Variants in RYK observed in about 807,000 individuals in gnomAD.
The protein encoded by RYK is receptor like tyrosine kinase.
A neutral mutation model predicts 70.2 loss-of-function variants in RYK; 21 were observed. The ratio of observed to expected loss-of-function variants is 0.30; its 90% CI spans 0.21 to 0.43. The LOEUF (loss-of-function observed/expected upper bound fraction) is 0.43. Ranked by LOEUF, RYK falls within the 20% of genes least tolerant of loss-of-function variation. RYK has a pLI of 1.00. For synonymous variants in RYK, 267 were observed against 278.0 expected (o/e 0.96, Z 0.39); for missense variants, 604 against 753.3 (o/e 0.80, Z 2.32).
At chr3:134,161,530 A>T (rs1339425045) in intron 13 of RYK, among the ~76,000 whole-genome samples, 1 of 152,216 alleles carries the variant, frequency 6.6e-6, no homozygotes, top group Non-Finnish European at 1.5e-5. Flanking sequence ...CCCAGTTAAG[A>T]ACCACTGTGT....
chr3:134,211,158 C>T (rs946804285), intron 3 of RYK, among the ~76,000 whole-genome samples: 3 of 152,106 alleles, frequency 2.0e-5, no homozygotes, highest in African/African-American at 2.4e-5. Flanking sequence ...ATGGGCTTCA[C>T]GTCACAGGGT....
intron 3 of RYK, among the ~76,000 whole-genome samples, chr3:134,210,534 CTTTA>C (rs1190994726): frequency 2.0e-5 from 3 of 152,126 alleles, no homozygotes; most frequent in Non-Finnish European, 2.9e-5. Flanking sequence ...CCCTCCTGTG[CTTTA>C]TTTAAGCTTA....
intron 1 of RYK, among the ~76,000 whole-genome samples, chr3:134,227,456 G>A (rs2107688368): frequency 6.6e-6 from 1 of 151,628 alleles, no homozygotes; most frequent in East Asian, 1.9e-4. Flanking sequence ...TCTTGAAAAT[G>A]AAAATGCCTT....
intron 9 of RYK, among the ~76,000 whole-genome samples, chr3:134,185,695 G>A (rs1454117004): frequency 2.0e-5 from 3 of 152,104 alleles, no homozygotes; most frequent in African/African-American, 7.2e-5. Context: ...AGGCTAGTAG[G>A]ATCTTTTCAA....
At chr3:134,159,476 G>T in intron 13 of RYK, 103 bp from the exon 14 acceptor site, 1 of 1,141,644 alleles carries the variant, frequency 8.8e-7, no homozygotes, top group Non-Finnish European at 1.2e-6. Flanking sequence ...CTCAACTCAT[G>T]CTTTGGAAAA....
intron 13 of RYK, among the ~76,000 whole-genome samples, chr3:134,162,493 G>A (rs897780781): frequency 1.3e-5 from 2 of 152,092 alleles, no homozygotes; most frequent in African/African-American, 4.8e-5. Flanking sequence ...ATGGAGAAGC[G>A]TGTATAGTTT....
At chr3:134,186,859 G>A (rs116820883) in intron 9 of RYK, among the ~76,000 whole-genome samples, 152 of 151,534 alleles carry the variant, frequency 1.0e-3, no homozygotes, top group African/African-American at 3.1e-3. Context: ...TACAAACCCC[G>A]GAAGAAATAT....
chr3:134,183,070 A>G lies in RYK; in HGVS notation c.1104T>C (p.Asp368=). Residue 368 remains aspartate, a splice_region_variant and synonymous_variant, in exon 10 of 15, where the codon GAT becomes GAC. Transcript: ENST00000623711. ...EKQAFVKTVK[D]QASEIQVTMM... ...TTGTCACCTGAATTTCAGAAGCTTG[A>G]TCTATATATAAAGAAAAGAAAATGT... is the stretch of plus-strand genomic sequence containing the variant. 1 of 1,565,106 alleles carries G rather than the reference A, an allele frequency of 6.4e-7. No homozygotes were observed. Among genetic ancestry groups the G allele is most frequent in the Admixed American group, 1.8e-5 (1 of 55,404 alleles).
chr3:134,168,563 T>C (rs559554867), intron 13 of RYK, among the ~76,000 whole-genome samples: 11 of 142,722 alleles, frequency 7.7e-5, no homozygotes, highest in African/African-American at 1.8e-4. Flanking sequence ...TAGGTGGGAA[T>C]TGAACAATGA....
At chr3:134,198,932 A>C (rs1453618384) in intron 6 of RYK, among the ~76,000 whole-genome samples, 10 of 152,276 alleles carry the variant, frequency 6.6e-5, no homozygotes, top group South Asian at 4.2e-4. Flanking sequence ...GAAGAGAAAA[A>C]TTAAGATGCT....
intron 11 of RYK, among the ~76,000 whole-genome samples, chr3:134,177,088 C>T (rs1417337414): frequency 6.6e-6 from 1 of 151,340 alleles, no homozygotes; most frequent in East Asian, 1.9e-4. Context: ...AAAAAAACCA[C>T]ACACAAACCC....
At chr3:134,188,572 AG>A (rs1279972338) in intron 9 of RYK, among the ~76,000 whole-genome samples, 5 of 152,246 alleles carry the variant, frequency 3.3e-5, no homozygotes, top group Non-Finnish European at 7.3e-5. Flanking sequence ...AAGTGGATGC[AG>A]TTTGACTTGC....
rs61441674 is a variant in RYK at position 134,216,792 on chromosome 3, C to CAAAAAAAAA, written c.355-5194_355-5186dup. Among the ~76,000 whole-genome samples the CAAAAAAAAA allele has an allele frequency of 6.9e-3, 259 of 37,428 alleles. 53 individuals carry two copies. The highest frequency in any genetic ancestry group is 0.014 in the East Asian group (8 of 558). The allele number at this position is 37,428 out of a possible 152,430, so 24.6% of individuals were successfully genotyped here. On this transcript the variant is annotated intron_variant, in intron 2 of 14. Coordinates refer to ENST00000623711, the MANE Select transcript of RYK (RefSeq NM_002958.4). ...TGGGCGACAGAGTGAGACTCTGTCTCAAAAAAAAAAAAAAAAAAAAAAAAA... is the reference window on the plus strand; with the variant it reads ...TGGGCGACAGAGTGAGACTCTGTCTCAAAAAAAAAAAAAAAAAAAAAAAAAAAAAAAAAA...
chr3:134,186,795 C>T (rs1441332723), intron 9 of RYK, among the ~76,000 whole-genome samples: 4 of 152,044 alleles, frequency 2.6e-5, no homozygotes, highest in African/African-American at 9.7e-5. Flanking sequence ...AACCTCCTTC[C>T]TTAATTCAGA....
At position 134,177,813 on chromosome 3, in the gene RYK, T is replaced by C. The variant is rs369485534; in HGVS notation, c.1305+128A>G. On this transcript the variant is annotated intron_variant, in intron 11 of 14. Coordinates refer to ENST00000623711, the MANE Select transcript of RYK (RefSeq NM_002958.4). ...AAGCCAACAGGTTATAAATATCTTGTGGTTCATTTTGAGGTTCTTTTTTGC... is the reference window on the plus strand; with the variant it reads ...AAGCCAACAGGTTATAAATATCTTGCGGTTCATTTTGAGGTTCTTTTTTGC... 3.8e-5 allele frequency: 28 copies of C among 734,786 alleles called. No homozygotes were observed. In the African/African-American group the frequency reaches 4.2e-4, roughly 11 times the overall value. The allele number at this position is 734,786 out of a possible 1,614,324, so 45.5% of individuals were successfully genotyped here. A position where few individuals can be genotyped will look rare whatever the true frequency, so the allele number is the denominator to read the frequency against.
chr3:134,201,931 CCT>C (rs1040711619), intron 6 of RYK, among the ~76,000 whole-genome samples: 11 of 152,136 alleles, frequency 7.2e-5, no homozygotes, highest in African/African-American at 2.7e-4. Flanking sequence ...TCCATCTGTA[CCT>C]CTCACCCTAA....
Position 134,250,403 on chromosome 3 carries a change from G to A in RYK, c.232+20C>T. On this transcript the variant is annotated intron_variant, in intron 1 of 14. Transcript: ENST00000623711. ...CAGCCGGCCCGACCTGCCCGCCCCG[G>A]CCTCGGCGGCCCCACTCACCGATCA... The A allele has an allele frequency of 1.5e-6, 2 of 1,365,182 alleles. No homozygotes were observed. The highest frequency in any genetic ancestry group is 2.8e-5 in the Admixed American group (1 of 35,150). The allele number at this position is 1,365,182 out of a possible 1,614,324, so 84.6% of individuals were successfully genotyped here.
rs2014067534 is a variant in RYK, at chr3:134,202,803, C to G, written c.715G>C (p.Val239Leu). The change falls in exon 6 of 15, where the codon GTA (valine) becomes CTA (leucine). Residue 239 changes from valine to leucine, a missense_variant. Val to Leu is a conservative substitution (Grantham distance 32). Around this residue, in one of 2 missense-constraint regions of RYK, gnomAD observed 466 missense variants for 535.9 expected, o/e 0.87. Transcript: ENST00000623711. ...AATATTATTGCTACGAGAAATATTA[C>G]TGCACAACAAACCCCTACACTAATA... ...FYISVGVCCA[V>L]IFLVAIILAV... 2 of 1,613,074 alleles carry G rather than the reference C, an allele frequency of 1.2e-6. No homozygotes were observed. The highest frequency in any genetic ancestry group is 1.1e-5 in the South Asian group (1 of 91,046).
At chr3:134,201,537 G>C (rs946716965) in intron 6 of RYK, among the ~76,000 whole-genome samples, 3 of 152,150 alleles carry the variant, frequency 2.0e-5, no homozygotes, top group African/African-American at 7.2e-5. Context: ...GAGAGAGACA[G>C]AGACAGAGAC....
Sources: gnomAD v4.1 joint callset for allele counts (sites outside exome capture counted in the v4.1 genomes callset) on GRCh38, gnomAD v4.1.1 for gene constraint, gnomAD v4.1.1 regional missense constraint, MANE v1.5 for transcripts, NCBI Gene and HGNC (gene_info 2026-07-23, HGNC 2026-07-21) for gene names.